Variants in NFIX observed in about 807,000 individuals in gnomAD.
The protein encoded by NFIX is nuclear factor 1 X-type.
NFIX carries 2 observed loss-of-function variants against 53.3 expected under a neutral mutation model. That is an observed-to-expected ratio of 0.04 (90% CI 0.02 to 0.12). The LOEUF (loss-of-function observed/expected upper bound fraction) is 0.12, where lower values mean the gene tolerates loss of function less well. Ranked by LOEUF, NFIX falls within the 10% of genes least tolerant of loss-of-function variation. The pLI is 1.00. For missense variants in NFIX, 310 were observed against 674.5 expected (o/e 0.46, Z 5.99); for synonymous variants, 244 against 289.0 (o/e 0.84, Z 1.58).
chr19:13,029,866 G>A (rs2013663101), intron 2 of NFIX, among the ~76,000 whole-genome samples: 1 of 152,186 alleles, frequency 6.6e-6, no homozygotes. Context: ...TCTGAGGGAG[G>A]GCTGCCCATC....
intron 1 of NFIX, among the ~76,000 whole-genome samples, chr19:12,997,352 C>A (rs528930768): frequency 6.6e-6 from 1 of 152,198 alleles, no homozygotes; most frequent in South Asian, 2.1e-4. Flanking sequence ...GTGGCATGGC[C>A]GTGTGTGTGG....
rs1049164611 is a variant in NFIX, at chr19:13,006,463, G to A, written c.27+10599G>A. On this transcript the variant is annotated intron_variant, in intron 1 of 10. Transcript: ENST00000592199. This position sits in a 1 kb window ranked among gnomAD's most constrained non-coding sequence, Gnocchi z 5.6. ...CCCAAAATCTGGGGACAAGATGGCC[G>A]AGGCCTTTCCTTTACAGAAACTGGG... is the stretch of plus-strand genomic sequence containing the variant. Among the ~76,000 whole-genome samples the A allele has an allele frequency of 6.6e-6, 1 of 152,228 alleles. No individual in the cohort carries two copies. Among genetic ancestry groups the A allele is most frequent in the South Asian group, 2.1e-4 (1 of 4,838 alleles).
rs989654598 is a variant in NFIX, at chr19:13,052,126, C to G, written c.560-20921C>G. On this transcript the variant is annotated intron_variant, in intron 2 of 10. Coordinates refer to ENST00000592199, the MANE Select transcript of NFIX (RefSeq NM_001365902.3). The surrounding 1 kb of genome is among the most constrained non-coding windows in gnomAD (Gnocchi z 5.2). ...CCGGGTTGATATGCAGCTGCCTGCCCTTGCACCTCTGGGGGCTTGTTAAAA... is the reference window on the plus strand; with the variant it reads ...CCGGGTTGATATGCAGCTGCCTGCCGTTGCACCTCTGGGGGCTTGTTAAAA... Among the ~76,000 whole-genome samples the G allele has an allele frequency of 6.6e-6, 1 of 152,190 alleles. No homozygotes were observed. The highest frequency in any genetic ancestry group is 1.5e-5 in the Non-Finnish European group (1 of 68,028).
At chr19:13,085,654 T>C (rs528199472) in intron 8 of NFIX, among the ~76,000 whole-genome samples, 3 of 152,348 alleles carry the variant, frequency 2.0e-5, no homozygotes, top group African/African-American at 7.2e-5. Context: ...CAGCCACTGT[T>C]TGCTTTTGTC....
intron 1 of NFIX, among the ~76,000 whole-genome samples, chr19:13,017,615 C>T (rs2012737332): frequency 1.3e-5 from 2 of 152,166 alleles, no homozygotes; most frequent in South Asian, 4.1e-4. Flanking sequence ...GGGAAGACCT[C>T]TGCCTTTTGG....
In NFIX at chr19:13,027,109, T is replaced by G. The variant is rs2013426679; in HGVS notation, c.559+1557T>G. Among the ~76,000 whole-genome samples the G allele has an allele frequency of 6.6e-6, 1 of 151,902 alleles. No individual in the cohort carries two copies. Among genetic ancestry groups the G allele is most frequent in the Admixed American group, 6.6e-5 (1 of 15,238 alleles). ...TTGGAGAACTGTGGAGAGGAGAAGG[T>G]GGTATTGGAATTCTTGTCCTGAGAG... On this transcript the variant is annotated intron_variant, in intron 2 of 10. Transcript: ENST00000592199. The surrounding 1 kb of genome is among the most constrained non-coding windows in gnomAD (Gnocchi z 4.3).
Position 13,090,675 on chromosome 19 carries a change from C to A in NFIX, c.1494+285C>A, listed in dbSNP as rs565824008. On this transcript the variant is annotated intron_variant, in intron 10 of 10. Coordinates refer to ENST00000592199, the MANE Select transcript of NFIX (RefSeq NM_001365902.3). The surrounding 1 kb of genome is among the most constrained non-coding windows in gnomAD (Gnocchi z 6.6). ...AGTCTAGAGGCCCTCTGGGCCAGGC[C>A]TGGTAGAAGCAAAGATGGAAGCCTG... Among the ~76,000 whole-genome samples, 1 of 152,332 alleles carries A rather than the reference C, an allele frequency of 6.6e-6. No homozygotes were observed. The highest frequency in any genetic ancestry group is 2.4e-5 in the African/African-American group (1 of 41,576).
At position 13,009,506 on chromosome 19, in the gene NFIX, A is replaced by G. The variant is rs1358934292; in HGVS notation, c.27+13642A>G. Among the ~76,000 whole-genome samples the G allele has an allele frequency of 6.6e-6, 1 of 152,218 alleles. No individual in the cohort carries two copies. The highest frequency in any genetic ancestry group is 1.5e-5 in the Non-Finnish European group (1 of 68,036). ...AGCAAGACTTAAACAGGTTCACTCC[A>G]GCTTTTCATCCCCCTTCTGGCCACC... On this transcript the variant is annotated intron_variant, in intron 1 of 10. Transcript: ENST00000592199. This position sits in a 1 kb window ranked among gnomAD's most constrained non-coding sequence, Gnocchi z 4.7.
chr19:13,082,051 A>G, intron 8 of NFIX, 196 bp downstream of exon 8: 2 of 631,818 alleles, frequency 3.2e-6, no homozygotes, highest in Non-Finnish European at 5.4e-6. Flanking sequence ...GGGCTTGTCT[A>G]TCATGGTCCG....
chr19:12,996,172 C>T lies in NFIX; in HGVS notation c.27+308C>T, dbSNP rs1201412453. ...GTGTGTGTGTGTGTGTGTGTGTGTG[C>T]GCGCTCGACTGGGGTGCGATGGGCA... On this transcript the variant is annotated intron_variant, in intron 1 of 10. Coordinates refer to ENST00000592199, the MANE Select transcript of NFIX (RefSeq NM_001365902.3). This position sits in a 1 kb window ranked among gnomAD's most constrained non-coding sequence, Gnocchi z 5.2. Among the ~76,000 whole-genome samples, 9 of 150,042 alleles carry T rather than the reference C, an allele frequency of 6.0e-5. No individual in the cohort carries two copies. Among genetic ancestry groups the T allele is most frequent in the Non-Finnish European group, 1.2e-4 (8 of 67,482 alleles).
chr19:13,029,426 G>A (rs1375283751), intron 2 of NFIX, among the ~76,000 whole-genome samples: 1 of 152,062 alleles, frequency 6.6e-6, no homozygotes, highest in East Asian at 1.9e-4. Flanking sequence ...GATCCAGATG[G>A]GGTCAGTCCT....
chr19:13,098,025 A>AC lies in NFIX; in HGVS notation c.*3377dup, dbSNP rs1175601334. The AC allele has an allele frequency of 1.3e-5, 2 of 149,766 alleles. No homozygotes were observed. The highest frequency in any genetic ancestry group is 5.0e-5 in the African/African-American group (2 of 40,298). 9.3% of individuals were successfully genotyped at this position (149,766 alleles called of 1,614,324 possible). ...CAACCAGCCCTGTCGACTGCCTTAT[A>AC]CACCCGCCCCCGCGCTGGCCGGCCG... is the stretch of plus-strand genomic sequence containing the variant. On this transcript the variant is annotated 3_prime_UTR_variant, in exon 11 of 11. Transcript: ENST00000592199.
At position 13,095,234 on chromosome 19, in the gene NFIX, C is replaced by T. The variant is rs1340586878; in HGVS notation, c.*585C>T. 1 of 151,628 alleles carries T rather than the reference C, an allele frequency of 6.6e-6. No homozygotes were observed. Among genetic ancestry groups the T allele is most frequent in the Admixed American group, 6.6e-5 (1 of 15,234 alleles). 9.4% of individuals were successfully genotyped at this position (151,628 alleles called of 1,614,324 possible). The stretch of plus-strand genomic sequence containing the variant: ...CTGCCAAGGCTCCAGCTTCTTCCCC[C>T]AGCTGCTCCCGACCAGGAGGGGGAG... On this transcript the variant is annotated 3_prime_UTR_variant, in exon 11 of 11. Transcript: ENST00000592199.
At position 13,022,426 on chromosome 19, in the gene NFIX, A is replaced by G. The variant is rs895143541; in HGVS notation, c.28-2595A>G. Among the ~76,000 whole-genome samples the G allele has an allele frequency of 6.6e-6, 1 of 152,100 alleles. No homozygotes were observed. Among genetic ancestry groups the G allele is most frequent in the Non-Finnish European group, 1.5e-5 (1 of 68,030 alleles). On this transcript the variant is annotated intron_variant, in intron 1 of 10. Coordinates refer to ENST00000592199, the MANE Select transcript of NFIX (RefSeq NM_001365902.3). This position sits in a 1 kb window ranked among gnomAD's most constrained non-coding sequence, Gnocchi z 4.5. Reference sequence around the variant, plus strand: ...TCCTTCAGCAGCCAGACCTGGGGGCATCACAAGGTGGCAGTACCCTGGGCA... The same window carrying G: ...TCCTTCAGCAGCCAGACCTGGGGGCGTCACAAGGTGGCAGTACCCTGGGCA...
intron 1 of NFIX, among the ~76,000 whole-genome samples, chr19:13,000,562 G>C (rs192661498): frequency 1.4e-4 from 22 of 151,926 alleles, no homozygotes; most frequent in Non-Finnish European, 2.8e-4. Context: ...GGGAGAGTGG[G>C]GGGCAGGAGG....
At chr19:13,055,906 C>T (rs1047450668) in intron 2 of NFIX, among the ~76,000 whole-genome samples, 8 of 152,184 alleles carry the variant, frequency 5.3e-5, no homozygotes, top group Non-Finnish European at 1.0e-4. Context: ...CAGCAAATCT[C>T]TCCTTGCACC....
intron 1 of NFIX, chr19:13,023,951 C>T: frequency 2.0e-6 from 2 of 984,818 alleles, no homozygotes; most frequent in East Asian, 3.1e-5. Flanking sequence ...CCCCCCTCCC[C>T]CCACCCGCCC....
At chr19:13,087,641 G>A (rs1043201438) in intron 8 of NFIX, among the ~76,000 whole-genome samples, 3 of 152,096 alleles carry the variant, frequency 2.0e-5, no homozygotes, top group African/African-American at 7.2e-5. Context: ...GTCTTCAGGA[G>A]TGTGAGAGTT....
chr19:13,005,428 C>T lies in NFIX; in HGVS notation c.27+9564C>T, dbSNP rs62109894. Among the ~76,000 whole-genome samples, 51,273 of 152,040 alleles carry T rather than the reference C, an allele frequency of 0.34. 9,772 individuals carry two copies. Among genetic ancestry groups the T allele is most frequent in the East Asian group, 0.65 (3,352 of 5,162 alleles). On this transcript the variant is annotated intron_variant, in intron 1 of 10. Transcript: ENST00000592199. This position sits in a 1 kb window ranked among gnomAD's most constrained non-coding sequence, Gnocchi z 4.7. ...CCAGCTTCCTGGGTTTGACTCCTGG[C>T]TCTGCCACTCACTAGCTGTGTAACT...
Sources: gnomAD v4.1 joint callset for allele counts (sites outside exome capture counted in the v4.1 genomes callset) on GRCh38, gnomAD v4.1.1 for gene constraint, Gnocchi (gnomAD v3.1) non-coding constraint, MANE v1.5 for transcripts, NCBI Gene and HGNC (gene_info 2026-07-23, HGNC 2026-07-21) for gene names.